The following CCDC85C variants were observed in gnomAD, a reference collection of about 807,000 sequenced individuals.
The protein encoded by CCDC85C is coiled-coil domain-containing protein 85C.
In CCDC85C, 18 loss-of-function variants were observed where a neutral mutation model predicts 38.3. The ratio of observed to expected loss-of-function variants is 0.47; its 90% CI spans 0.33 to 0.70. CCDC85C has a LOEUF of 0.70. Among genes scored for constraint, CCDC85C ranks in the 30% least tolerant of loss-of-function variants. The probability of loss-of-function intolerance (pLI) is 0.03; values close to 1 mark genes in which losing one functional copy is unlikely to be tolerated. For synonymous variants in CCDC85C, 264 were observed against 293.8 expected (o/e 0.90, Z 1.04); for missense variants, 566 against 621.2 (o/e 0.91, Z 0.94).
chr14:99,533,160 G>A lies in CCDC85C; in HGVS notation c.867+2855C>T, dbSNP rs1897526617. ...TGGAGCCTTTGTTATGAGGTTCAGG[G>A]GCCTCCACTGCAGCATGGGGACAGG... On this transcript the variant is annotated intron_variant, in intron 2 of 5. Transcript: ENST00000380243. This position sits in a 1 kb window ranked among gnomAD's most constrained non-coding sequence, Gnocchi z 4.2. Among the ~76,000 whole-genome samples, 1 of 152,166 alleles carries A rather than the reference G, an allele frequency of 6.6e-6. No homozygotes were observed. Among genetic ancestry groups the A allele is most frequent in the Non-Finnish European group, 1.5e-5 (1 of 68,028 alleles).
rs1184772657 is a variant in CCDC85C, at chr14:99,548,731, G to A, written c.794-12643C>T. On this transcript the variant is annotated intron_variant, in intron 1 of 5. Transcript: ENST00000380243. The surrounding 1 kb of genome is among the most constrained non-coding windows in gnomAD (Gnocchi z 4.9). ...AGGTACTCGGGAGACCGAGGCGGGA[G>A]GCGTGCTGGAGCTCAGGAGTGTGAG... is the stretch of plus-strand genomic sequence containing the variant. Among the ~76,000 whole-genome samples, 2 of 152,174 alleles carry A rather than the reference G, an allele frequency of 1.3e-5. No homozygotes were observed.
chr14:99,502,879 C>G lies in CCDC85C; in HGVS notation c.*12367G>C, dbSNP rs1566751648. On this transcript the variant is annotated 3_prime_UTR_variant, in exon 6 of 6. Coordinates refer to ENST00000380243, the MANE Select transcript of CCDC85C (RefSeq NM_001144995.2). The stretch of plus-strand genomic sequence containing the variant: ...CTCAAAGCTCCGAACCATCCCAGCC[C>G]CAGCAGAAGGACCCCCAGCAACCAG... The G allele has an allele frequency of 1.2e-6, 2 of 1,613,364 alleles. No homozygotes were observed. Among genetic ancestry groups the G allele is most frequent in the Non-Finnish European group, 1.7e-6 (2 of 1,179,610 alleles).
rs1348436084 is a variant in CCDC85C at position 99,505,471 on chromosome 14, C to T, written c.*9775G>A. ...CATTAGTAAAGCTTTATATTGGTTA[C>T]ATGTTGAAATAAAATTTTCGATCTA... On this transcript the variant is annotated 3_prime_UTR_variant, in exon 6 of 6. Coordinates refer to ENST00000380243, the MANE Select transcript of CCDC85C (RefSeq NM_001144995.2). 6 of 151,578 alleles carry T rather than the reference C, an allele frequency of 4.0e-5. No individual in the cohort carries two copies. The highest frequency in any genetic ancestry group is 1.5e-4 in the African/African-American group (6 of 41,194). The allele number at this position is 151,578 out of a possible 1,614,324, so 9.4% of individuals were successfully genotyped here.
chr14:99,577,671 C>T (rs1403238146), intron 1 of CCDC85C, among the ~76,000 whole-genome samples: 3 of 150,042 alleles, frequency 2.0e-5, no homozygotes, highest in Non-Finnish European at 4.4e-5. Context: ...GTCCTGCATC[C>T]CCCATCAGTG....
chr14:99,507,346 G>A lies in CCDC85C; in HGVS notation c.*7900C>T. Reference sequence around the variant, plus strand: ...GATCCCAGCACTTTGGGAGGCGGAGGCAGGAGAATCACCTGACCCCAGGAG... The same window carrying A: ...GATCCCAGCACTTTGGGAGGCGGAGACAGGAGAATCACCTGACCCCAGGAG... On this transcript the variant is annotated 3_prime_UTR_variant, in exon 6 of 6. Transcript: ENST00000380243. The A allele has an allele frequency of 1.7e-6, 1 of 573,478 alleles. No individual in the cohort carries two copies. Among genetic ancestry groups the A allele is most frequent in the Non-Finnish European group, 3.1e-6 (1 of 318,158 alleles). The allele number at this position is 573,478 out of a possible 1,614,324, so 35.5% of individuals were successfully genotyped here.
Position 99,548,651 on chromosome 14 carries a change from C to T in CCDC85C, c.794-12563G>A, listed in dbSNP as rs141016331. 2.8e-3 allele frequency among the ~76,000 whole-genome samples: 430 copies of T among 151,974 alleles called. No homozygotes were observed. The highest frequency in any genetic ancestry group is 2.5e-3 in the Non-Finnish European group (172 of 68,002). On this transcript the variant is annotated intron_variant, in intron 1 of 5. Transcript: ENST00000380243. The surrounding 1 kb of genome is among the most constrained non-coding windows in gnomAD (Gnocchi z 4.9). ...TTAACCCAACAATGAAATACTGTAG[C>T]GAGATAAAAATGAACAAACAAGAGC...
Position 99,515,261 on chromosome 14 carries a change from G to A in CCDC85C, c.1245C>T (p.Phe415=), listed in dbSNP as rs1447015800. 1 of 1,550,626 alleles carries A rather than the reference G, an allele frequency of 6.4e-7. No individual in the cohort carries two copies. Among genetic ancestry groups the A allele is most frequent in the East Asian group, 2.4e-5 (1 of 40,926 alleles). Reference sequence around the variant, plus strand: ...AAGAGTGGCCCTACAAAGGCCCCTTGAACTGGTTCCCAGACAGGTGCTGCC... The same window carrying A: ...AAGAGTGGCCCTACAAAGGCCCCTTAAACTGGTTCCCAGACAGGTGCTGCC... The part of the protein sequence containing the change: ...SIRQHLSGNQ[F]KGPL The change falls in exon 6 of 6, where the codon TTC becomes TTT. Residue 415 remains phenylalanine (F), a synonymous_variant. Transcript: ENST00000380243.
chr14:99,553,212 T>C (rs189894622), intron 1 of CCDC85C, among the ~76,000 whole-genome samples: 2 of 151,998 alleles, frequency 1.3e-5, no homozygotes, highest in African/African-American at 4.8e-5. Context: ...GGATGCTGGA[T>C]AGATTCCAGA....
At chr14:99,596,583 G>A (rs2055145535) in intron 1 of CCDC85C, among the ~76,000 whole-genome samples, 1 of 152,240 alleles carries the variant, frequency 6.6e-6, no homozygotes, top group Admixed American at 6.5e-5. Context: ...CTCCAGGCCT[G>A]CCCAGAACCC....
intron 1 of CCDC85C, among the ~76,000 whole-genome samples, chr14:99,598,090 CG>C (rs779972558): frequency 2.0e-5 from 3 of 152,200 alleles, no homozygotes; most frequent in Non-Finnish European, 2.9e-5. Context: ...CCTCGGCATG[CG>C]GGGTGCCGAG....
Position 99,503,495 on chromosome 14 carries a change from T to G in CCDC85C, c.*11751A>C. On this transcript the variant is annotated 3_prime_UTR_variant, in exon 6 of 6. Coordinates refer to ENST00000380243, the MANE Select transcript of CCDC85C (RefSeq NM_001144995.2). ...AAGTTCAGGCTAGAAATAATTTTTG[T>G]CCGAGGCTGTTCACAGTGACTGCCG... 1.2e-6 allele frequency: 1 copy of G among 811,706 alleles called. No homozygotes were observed. The highest frequency in any genetic ancestry group is 2.0e-6 in the Non-Finnish European group (1 of 499,472). The allele number at this position is 811,706 out of a possible 1,614,324, so 50.3% of individuals were successfully genotyped here. A position where few individuals can be genotyped will look rare whatever the true frequency, so the allele number is the denominator to read the frequency against.
At chr14:99,550,741 G>A (rs1897891608) in intron 1 of CCDC85C, among the ~76,000 whole-genome samples, 1 of 152,188 alleles carries the variant, frequency 6.6e-6, no homozygotes, top group Non-Finnish European at 1.5e-5. Context: ...TTCCCCGACT[G>A]CTCACACTCT....
chr14:99,571,383 A>C (rs768391360), intron 1 of CCDC85C, among the ~76,000 whole-genome samples: 75 of 149,298 alleles, frequency 5.0e-4, no homozygotes, highest in Non-Finnish European at 8.8e-4. Flanking sequence ...CTACCAAGTT[A>C]CGATAACCCC....
intron 1 of CCDC85C, among the ~76,000 whole-genome samples, chr14:99,583,535 A>G (rs2054995922): frequency 2.0e-5 from 3 of 150,848 alleles, no homozygotes; most frequent in Admixed American, 1.3e-4. Context: ...TCCTGGGCAC[A>G]GTGGCTCATG....
chr14:99,524,925 G>C (rs1213133991), intron 2 of CCDC85C, among the ~76,000 whole-genome samples: 2 of 152,196 alleles, frequency 1.3e-5, no homozygotes, highest in Non-Finnish European at 2.9e-5. Context: ...CTTACACACA[G>C]AGCTGCCAGC....
intron 2 of CCDC85C, among the ~76,000 whole-genome samples, chr14:99,524,552 A>G (rs943479588): frequency 6.6e-6 from 1 of 152,198 alleles, no homozygotes; most frequent in African/African-American, 2.4e-5. Flanking sequence ...TTGCATGTCC[A>G]TAGAACTTTA....
intron 1 of CCDC85C, among the ~76,000 whole-genome samples, chr14:99,568,552 T>G (rs546491803): frequency 6.6e-6 from 1 of 152,086 alleles, no homozygotes; most frequent in Non-Finnish European, 1.5e-5. Flanking sequence ...CAAGCCTGCA[T>G]GACGACCTGA....
intron 1 of CCDC85C, among the ~76,000 whole-genome samples, chr14:99,561,802 G>A (rs1266962460): frequency 6.6e-6 from 1 of 152,116 alleles, no homozygotes; most frequent in Non-Finnish European, 1.5e-5. Flanking sequence ...TGCCAGGTGG[G>A]AGCAGGGAGA....
In CCDC85C at chr14:99,505,825, C is replaced by G. The variant is rs1051113129; in HGVS notation, c.*9421G>C. 1.3e-5 allele frequency: 2 copies of G among 152,284 alleles called. No homozygotes were observed. Among genetic ancestry groups the G allele is most frequent in the African/African-American group, 4.8e-5 (2 of 41,462 alleles). 9.4% of individuals were successfully genotyped at this position (152,284 alleles called of 1,614,324 possible). A position where few individuals can be genotyped will look rare whatever the true frequency, so the allele number is the denominator to read the frequency against. On this transcript the variant is annotated 3_prime_UTR_variant, in exon 6 of 6. Transcript: ENST00000380243. ...TGAGCCATGATTACATTACTACACT[C>G]CAGCCTGGGTGACAGAGCGAGACCC...
Sources: allele counts gnomAD v4.1 joint callset (sites outside exome capture counted in the v4.1 genomes callset), GRCh38; gene constraint gnomAD v4.1.1; non-coding constraint Gnocchi (gnomAD v3.1); transcripts MANE v1.5; gene names NCBI Gene and HGNC (gene_info 2026-07-23, HGNC 2026-07-21).